PPM1B: variants seen among roughly 807,000 people sequenced by gnomAD.
The protein encoded by PPM1B is protein phosphatase, Mg2+/Mn2+ dependent 1B.
In PPM1B, 22 loss-of-function variants were observed where a neutral mutation model predicts 43.0. The ratio of observed to expected loss-of-function variants is 0.51; its 90% CI spans 0.37 to 0.73. The LOEUF is 0.73. Among genes scored for constraint, PPM1B ranks in the 30% least tolerant of loss-of-function variants. The probability of loss-of-function intolerance (pLI) is 0.00; values close to 1 mark genes in which losing one functional copy is unlikely to be tolerated. For synonymous variants in PPM1B, 217 were observed against 197.9 expected (o/e 1.10, Z -0.81); for missense variants, 632 against 584.2 (o/e 1.08, Z -0.84).
At chr2:44,225,903 A>G (rs1358081281) in intron 5 of PPM1B, among the ~76,000 whole-genome samples, 3 of 150,876 alleles carry the variant, frequency 2.0e-5, no homozygotes, top group Non-Finnish European at 4.4e-5. Context: ...TGATCCACCT[A>G]CCTCGGCCTC....
chr2:44,186,516 A>G (rs902828007), intron 1 of PPM1B, among the ~76,000 whole-genome samples: 2 of 150,296 alleles, frequency 1.3e-5, no homozygotes, highest in Non-Finnish European at 3.0e-5. Context: ...CTACAGGCGC[A>G]CACCACCGTG....
At chr2:44,198,767 C>G (rs1411785873) in intron 1 of PPM1B, among the ~76,000 whole-genome samples, 1 of 152,174 alleles carries the variant, frequency 6.6e-6, no homozygotes, top group Admixed American at 6.5e-5. Context: ...TATGTGCAGT[C>G]TGCCCCATCA....
intron 5 of PPM1B, among the ~76,000 whole-genome samples, chr2:44,229,099 T>C (rs1428213983): frequency 1.3e-5 from 2 of 151,864 alleles, no homozygotes; most frequent in Non-Finnish European, 2.9e-5. Flanking sequence ...GGAGAATCGC[T>C]TAAATCCTCG....
downstream of PPM1B, among the ~76,000 whole-genome samples, chr2:44,238,370 G>A (rs186527971): frequency 2.0e-5 from 3 of 151,986 alleles, no homozygotes; most frequent in Non-Finnish European, 4.4e-5. Context: ...CTTATAATTG[G>A]TATAGCACTT....
chr2:44,169,228 GGGCGCGAGCGA>G lies in PPM1B; in HGVS notation c.-55_-45del, dbSNP rs1667192418. ...GGAAACTTGGGCTGAGTACCGCGGC[GGGCGCGAGCGA>G]GGCGCCCTAGACATCTTCTCCCTCC... On this transcript the variant is annotated 5_prime_UTR_variant, in exon 1 of 6. Coordinates refer to ENST00000282412, the MANE Select transcript of PPM1B (RefSeq NM_002706.6). 1 of 154,418 alleles carries G rather than the reference GGGCGCGAGCGA, an allele frequency of 6.5e-6. No individual in the cohort carries two copies. The highest frequency in any genetic ancestry group is 2.4e-5 in the African/African-American group (1 of 41,466). 9.6% of individuals were successfully genotyped at this position (154,418 alleles called of 1,614,324 possible).
At position 44,230,834 on chromosome 2, in the gene PPM1B, A is replaced by G; in HGVS notation, c.*116A>G. 6.9e-7 allele frequency: 1 copy of G among 1,454,898 alleles called. No homozygotes were observed. The highest frequency in any genetic ancestry group is 9.1e-7 in the Non-Finnish European group (1 of 1,100,270). The allele number at this position is 1,454,898 out of a possible 1,614,324, so 90.1% of individuals were successfully genotyped here. A position where few individuals can be genotyped will look rare whatever the true frequency, so the allele number is the denominator to read the frequency against. Reference sequence around the variant, plus strand: ...AATCTTGGAAAACTAGTTTTATTATATTCAGATAGCCTTGTTTTTTAAAAA... The same window carrying G: ...AATCTTGGAAAACTAGTTTTATTATGTTCAGATAGCCTTGTTTTTTAAAAA... On this transcript the variant is annotated 3_prime_UTR_variant, in exon 6 of 6. Transcript: ENST00000282412.
chr2:44,178,305 C>T (rs1667683529), intron 1 of PPM1B, among the ~76,000 whole-genome samples: 1 of 151,538 alleles, frequency 6.6e-6, no homozygotes, highest in African/African-American at 2.4e-5. Context: ...ATTTACATGC[C>T]ATATATATAT....
In PPM1B at chr2:44,230,679, T is replaced by A; in HGVS notation, c.1401T>A (p.Asn467Lys). Residue 467 changes from asparagine (N) to lysine (K), a missense_variant, in exon 6 of 6, where the codon AAT becomes AAA. Asn to Lys is a moderately conservative substitution (Grantham distance 94). This residue lies in a region of PPM1B where 392 missense variants were observed against 302.7 expected (regional missense o/e 1.29). Transcript: ENST00000282412. ...ESGLAELDSS[N>K]EDAGTKMSGE... ...GTCTTGCTGAATTAGACAGCTCTAA[T>A]GAAGATGCAGGGACAAAGATGAGTG... is the stretch of plus-strand genomic sequence containing the variant. 1 of 1,613,678 alleles carries A rather than the reference T, an allele frequency of 6.2e-7. No homozygotes were observed. The highest frequency in any genetic ancestry group is 1.3e-5 in the African/African-American group (1 of 75,056).
chr2:44,185,738 C>T (rs1668088812), intron 1 of PPM1B, among the ~76,000 whole-genome samples: 1 of 152,150 alleles, frequency 6.6e-6, no homozygotes. Context: ...AGTGACTAGC[C>T]TATTTTTATC....
chr2:44,234,650 C>G, downstream of PPM1B: 1 of 979,776 alleles, frequency 1.0e-6, no homozygotes, highest in Non-Finnish European at 1.2e-6. Context: ...ATCTGAATTT[C>G]CTAGCCTGGC....
At chr2:44,245,515 A>C (rs1263953449), downstream of PPM1B, among the ~76,000 whole-genome samples, 2 of 152,240 alleles carry the variant, frequency 1.3e-5, no homozygotes, top group African/African-American at 4.8e-5. Context: ...AGAGAGATGT[A>C]GTTGATCTGA....
chr2:44,186,751 G>A (rs998602874), intron 1 of PPM1B, among the ~76,000 whole-genome samples: 3 of 152,214 alleles, frequency 2.0e-5, no homozygotes, highest in Non-Finnish European at 2.9e-5. Context: ...TTCTGCTATG[G>A]AATGTCAAAG....
At chr2:44,178,165 C>T (rs1156460131) in intron 1 of PPM1B, among the ~76,000 whole-genome samples, 2 of 151,896 alleles carry the variant, frequency 1.3e-5, no homozygotes, top group Admixed American at 6.6e-5. Flanking sequence ...AGTGATCCAC[C>T]TCCTTTGGCC....
intron 1 of PPM1B, among the ~76,000 whole-genome samples, chr2:44,174,274 C>G (rs1306618162): frequency 6.6e-6 from 1 of 152,156 alleles, no homozygotes; most frequent in Non-Finnish European, 1.5e-5. Flanking sequence ...TGTTTTGCAT[C>G]CTTGTGAACA....
At chr2:44,219,676 G>C (rs529776761) in intron 5 of PPM1B, among the ~76,000 whole-genome samples, 4 of 152,250 alleles carry the variant, frequency 2.6e-5, no homozygotes, top group Admixed American at 2.6e-4. Flanking sequence ...GGGCACGGTG[G>C]CTCATGCCTG....
At chr2:44,181,965 GT>G in intron 1 of PPM1B, among the ~76,000 whole-genome samples, 1 of 152,106 alleles carries the variant, frequency 6.6e-6, no homozygotes, top group African/African-American at 2.4e-5. Flanking sequence ...AAAGAATAAA[GT>G]TTTTTTGATT....
rs1328944111 is a variant in PPM1B, at chr2:44,201,735, G to A, written c.536G>A (p.Arg179Gln). The A allele has an allele frequency of 6.2e-7, 1 of 1,614,060 alleles. No homozygotes were observed. The highest frequency in any genetic ancestry group is 1.3e-5 in the African/African-American group (1 of 74,922). Residue 179 changes from arginine to glutamine, a missense_variant, in exon 2 of 6, where the codon CGA becomes CAA. Transcript: ENST00000282412. This position sits in a 1 kb window ranked among gnomAD's most constrained non-coding sequence, Gnocchi z 5.4. ...CCTTGCAATCCAAGGGAAAAGGAGC[G>A]AATCCAAAATGCAGGAGGCAGCGTG... ...HKPCNPREKE[R>Q]IQNAGGSVMI...
At chr2:44,193,299 C>T (rs1339461563) in intron 1 of PPM1B, among the ~76,000 whole-genome samples, 1 of 152,092 alleles carries the variant, frequency 6.6e-6, no homozygotes, top group Non-Finnish European at 1.5e-5. Flanking sequence ...TTTGCATTTC[C>T]CTGATGATTA....
At chr2:44,205,468 G>A (rs1347316574) in intron 2 of PPM1B, among the ~76,000 whole-genome samples, 1 of 148,294 alleles carries the variant, frequency 6.7e-6, no homozygotes, top group East Asian at 2.0e-4. Flanking sequence ...AACAAATACA[G>A]AGATGTTTGA....
Sources: gnomAD v4.1 joint callset for allele counts (sites outside exome capture counted in the v4.1 genomes callset) on GRCh38, gnomAD v4.1.1 for gene constraint, gnomAD v4.1.1 regional missense constraint, Gnocchi (gnomAD v3.1) non-coding constraint, MANE v1.5 for transcripts, NCBI Gene and HGNC (gene_info 2026-07-23, HGNC 2026-07-21) for gene names.